The following ANKS1B variants were observed in gnomAD, a reference collection of about 807,000 sequenced individuals.
The protein encoded by ANKS1B is ankyrin repeat and sterile alpha motif domain-containing protein 1B.
Under a neutral mutation model 148.3 loss-of-function variants are expected in ANKS1B, and 36 were observed. The observed-to-expected ratio is 0.24, with a 90% CI of 0.19 to 0.32. The LOEUF is 0.32. ANKS1B is among the 10% of genes least tolerant of loss of function. The pLI, the probability that ANKS1B is intolerant of heterozygous loss-of-function variation, is 1.00. For missense variants in ANKS1B, 1,157 were observed against 1,542.6 expected, an observed-to-expected ratio of 0.75 and a Z score of 4.19; for synonymous variants, 542 against 560.8, an observed-to-expected ratio of 0.97 and a Z score of 0.47.
rs1021334712 is a variant in ANKS1B, at chr12:98,745,056, A to G, written c.*683T>C. 7.1e-6 allele frequency: 7 copies of G among 985,190 alleles called. No individual in the cohort carries two copies. In the African/African-American group the frequency reaches 1.2e-4, roughly 17 times the overall value. The allele number at this position is 985,190 out of a possible 1,614,324, so 61.0% of individuals were successfully genotyped here. On this transcript the variant is annotated 3_prime_UTR_variant, in exon 27 of 27. Coordinates refer to ENST00000683438, the MANE Select transcript of ANKS1B (RefSeq NM_001352186.2). ...TCTTTTAATAAAAATATTTAATACA[A>G]GACACATTTTGCTGTGCATAATAAA...
At chr12:99,876,501 T>C (rs1440963185) in intron 1 of ANKS1B, among the ~76,000 whole-genome samples, 1 of 152,114 alleles carries the variant, frequency 6.6e-6, no homozygotes, top group African/African-American at 2.4e-5. Flanking sequence ...GGCAGGCGTA[T>C]CATTTGAGGT....
intron 17 of ANKS1B, among the ~76,000 whole-genome samples, chr12:98,838,846 C>T (rs887533532): frequency 4.6e-5 from 7 of 152,178 alleles, no homozygotes; most frequent in Admixed American, 2.6e-4. Flanking sequence ...AACTGATCTG[C>T]TTTGTTCTCA....
intron 8 of ANKS1B, among the ~76,000 whole-genome samples, chr12:99,670,145 T>G (rs1347363233): frequency 6.6e-6 from 1 of 152,174 alleles, no homozygotes; most frequent in Non-Finnish European, 1.5e-5. Flanking sequence ...TTTCTCCATT[T>G]TAGACCTTTC....
chr12:98,923,946 C>A (rs1424699492), intron 17 of ANKS1B, among the ~76,000 whole-genome samples: 1 of 152,166 alleles, frequency 6.6e-6, no homozygotes, highest in African/African-American at 2.4e-5. Flanking sequence ...TTTCTTTCTG[C>A]ATTCATTAAA....
At chr12:98,920,358 C>T (rs1015536923) in intron 17 of ANKS1B, among the ~76,000 whole-genome samples, 5 of 152,128 alleles carry the variant, frequency 3.3e-5, no homozygotes, top group Non-Finnish European at 5.9e-5. Flanking sequence ...TGTATTAGTC[C>T]GTTTTCATGC....
chr12:99,625,282 T>G (rs889553872), intron 9 of ANKS1B, among the ~76,000 whole-genome samples: 4 of 152,078 alleles, frequency 2.6e-5, no homozygotes, highest in Non-Finnish European at 5.9e-5. Context: ...TCCTACTGGT[T>G]GCTATGTTTA....
chr12:98,848,756 T>TTTTTTTTTTTTTTG (rs1567129301), intron 17 of ANKS1B, among the ~76,000 whole-genome samples: 3 of 140,598 alleles, frequency 2.1e-5, no homozygotes, highest in East Asian at 2.1e-4. Flanking sequence ...TTTTTTTTTT[T>TTTTTTTTTTTTTTG]GAGACGGAGT....
chr12:99,982,880 T>G (rs114023530), intron 1 of ANKS1B, among the ~76,000 whole-genome samples: 26 of 152,338 alleles, frequency 1.7e-4, no homozygotes, highest in African/African-American at 6.0e-4. Flanking sequence ...TTCAACTCAA[T>G]TTATTTCACT....
chr12:99,826,759 A>G (rs903946009), intron 1 of ANKS1B, among the ~76,000 whole-genome samples: 1 of 152,094 alleles, frequency 6.6e-6, no homozygotes, highest in Non-Finnish European at 1.5e-5. Flanking sequence ...AAAAAATTCT[A>G]AAATTCATAT....
chr12:99,796,077 CT>C (rs1260056038), intron 4 of ANKS1B, among the ~76,000 whole-genome samples: 1 of 151,954 alleles, frequency 6.6e-6, no homozygotes, highest in Non-Finnish European at 1.5e-5. Flanking sequence ...CATCACTGCT[CT>C]TGTGCTTTGG....
At chr12:99,648,188 G>A in intron 9 of ANKS1B, 1 of 1,613,542 alleles carries the variant, frequency 6.2e-7, no homozygotes, top group African/African-American at 1.3e-5. Context: ...GAGGACTGCT[G>A]TATGCTACCG....
chr12:99,311,122 G>T (rs2083096636), intron 12 of ANKS1B, among the ~76,000 whole-genome samples: 2 of 152,118 alleles, frequency 1.3e-5, no homozygotes, highest in Non-Finnish European at 2.9e-5. Flanking sequence ...TGTATTTTCA[G>T]GTGGAACTAT....
chr12:98,992,477 T>G (rs1374799764), intron 17 of ANKS1B, among the ~76,000 whole-genome samples: 1 of 152,092 alleles, frequency 6.6e-6, no homozygotes, highest in East Asian at 1.9e-4. Context: ...TCTCCTGAGA[T>G]CTGATGGTTT....
intron 11 of ANKS1B, among the ~76,000 whole-genome samples, chr12:99,430,996 T>C (rs1300059082): frequency 6.6e-6 from 1 of 152,212 alleles, no homozygotes; most frequent in African/African-American, 2.4e-5. Flanking sequence ...TTTCCTAAAT[T>C]CAAAACAATT....
intron 11 of ANKS1B, among the ~76,000 whole-genome samples, chr12:99,407,987 G>T (rs1214209207): frequency 6.9e-6 from 1 of 145,574 alleles, no homozygotes; most frequent in East Asian, 1.9e-4. Flanking sequence ...TCACAGAAAT[G>T]GAAAAAACAA....
intron 8 of ANKS1B, among the ~76,000 whole-genome samples, chr12:99,662,074 T>A (rs1431252401): frequency 2.0e-5 from 3 of 152,192 alleles, no homozygotes; most frequent in Non-Finnish European, 4.4e-5. Context: ...AGCTCTAAGC[T>A]TTAGAAGTGG....
At chr12:99,434,917 G>C (rs2095434843) in intron 11 of ANKS1B, among the ~76,000 whole-genome samples, 1 of 151,946 alleles carries the variant, frequency 6.6e-6, no homozygotes, top group South Asian at 2.1e-4. Flanking sequence ...ATACAGTCTT[G>C]CTATTACTGG....
downstream of ANKS1B, among the ~76,000 whole-genome samples, chr12:98,741,215 G>A (rs530799750): frequency 5.3e-5 from 8 of 152,114 alleles, no homozygotes; most frequent in African/African-American, 9.6e-5. Flanking sequence ...AAATGTCACC[G>A]ACCCCTGAAT....
chr12:99,168,947 T>C (rs1335525144), intron 14 of ANKS1B, among the ~76,000 whole-genome samples: 1 of 152,252 alleles, frequency 6.6e-6, no homozygotes, highest in East Asian at 1.9e-4. Context: ...GTATCTAAAA[T>C]TAATTTATTC....
Sources: gnomAD v4.1 joint callset for allele counts (sites outside exome capture counted in the v4.1 genomes callset) on GRCh38, gnomAD v4.1.1 for gene constraint, MANE v1.5 for transcripts, NCBI Gene and HGNC (gene_info 2026-07-23, HGNC 2026-07-21) for gene names.